CAMKMT: variants seen among roughly 807,000 people sequenced by gnomAD.
CAMKMT encodes the protein calmodulin-lysine N-methyltransferase, also known as CaM KMT.
A neutral mutation model predicts 48.0 loss-of-function variants in CAMKMT; 53 were observed. The observed-to-expected ratio is 1.10, with a 90% CI of 0.89 to 1.39. CAMKMT has a LOEUF of 1.39. Among genes scored for constraint, CAMKMT ranks in the 40% most tolerant of loss-of-function variants. The pLI, the probability that CAMKMT is intolerant of heterozygous loss-of-function variation, is 0.00. For synonymous variants in CAMKMT, 165 were observed against 152.3 expected, an observed-to-expected ratio of 1.08 and a Z score of -0.61; for missense variants, 428 against 402.7, an observed-to-expected ratio of 1.06 and a Z score of -0.54.
At chr2:44,663,457 C>G (rs1358008252) in intron 3 of CAMKMT, among the ~76,000 whole-genome samples, 1 of 152,248 alleles carries the variant, frequency 6.6e-6, no homozygotes, top group Non-Finnish European at 1.5e-5. Context: ...GCTTCCCCTT[C>G]TGTGAAATCT....
chr2:44,505,523 T>G (rs970059634), intron 3 of CAMKMT, among the ~76,000 whole-genome samples: 22 of 152,236 alleles, frequency 1.4e-4, no homozygotes, highest in African/African-American at 5.3e-4. Context: ...TCTTATGTTT[T>G]ACATTAAGTC....
intron 2 of CAMKMT, among the ~76,000 whole-genome samples, chr2:44,384,221 A>G (rs1341520331): frequency 6.6e-6 from 1 of 152,114 alleles, no homozygotes; most frequent in Non-Finnish European, 1.5e-5. Flanking sequence ...TTCCCTGATC[A>G]CTAGTGATGT....
At chr2:44,587,854 T>C (rs1156271228) in intron 3 of CAMKMT, among the ~76,000 whole-genome samples, 5 of 129,028 alleles carry the variant, frequency 3.9e-5, no homozygotes, top group South Asian at 5.4e-4. Flanking sequence ...GCCGCCTGCC[T>C]TGGCCCCCCA....
At chr2:44,514,696 T>TG (rs1215189614) in intron 3 of CAMKMT, among the ~76,000 whole-genome samples, 1 of 152,226 alleles carries the variant, frequency 6.6e-6, no homozygotes, top group Non-Finnish European at 1.5e-5. Flanking sequence ...GACTAGGGCC[T>TG]GACACATGGC....
intron 8 of CAMKMT, among the ~76,000 whole-genome samples, chr2:44,747,357 T>C (rs991149779): frequency 6.6e-6 from 1 of 152,206 alleles, no homozygotes; most frequent in Non-Finnish European, 1.5e-5. Flanking sequence ...GCTGTGATCA[T>C]GGACAGCTCC....
chr2:44,645,077 G>T (rs997592311), intron 3 of CAMKMT, among the ~76,000 whole-genome samples: 1 of 152,152 alleles, frequency 6.6e-6, no homozygotes, highest in Non-Finnish European at 1.5e-5. Context: ...GCATCACATT[G>T]TTCTAGTAGG....
At chr2:44,711,495 T>A (rs900772764) in intron 6 of CAMKMT, among the ~76,000 whole-genome samples, 1 of 152,210 alleles carries the variant, frequency 6.6e-6, no homozygotes, top group Non-Finnish European at 1.5e-5. Flanking sequence ...CTTCTCCTTT[T>A]TGTGGAGAAT....
chr2:44,700,281 C>G (rs1677189559), intron 3 of CAMKMT, among the ~76,000 whole-genome samples: 1 of 152,196 alleles, frequency 6.6e-6, no homozygotes, highest in South Asian at 2.1e-4. Flanking sequence ...TTCTCCATAT[C>G]AGCAATAAGG....
At chr2:44,662,989 A>G (rs542722609) in intron 3 of CAMKMT, among the ~76,000 whole-genome samples, 2 of 152,346 alleles carry the variant, frequency 1.3e-5, no homozygotes, top group East Asian at 3.9e-4. Context: ...ACACATATAA[A>G]TAATTACATA....
chr2:44,756,041 C>A (rs932252633), intron 9 of CAMKMT, among the ~76,000 whole-genome samples: 31 of 152,212 alleles, frequency 2.0e-4, no homozygotes, highest in African/African-American at 5.5e-4. Flanking sequence ...GGGGAAATCC[C>A]AGTTGTGGAT....
In CAMKMT at chr2:44,644,334, C is replaced by T. The variant is rs140893409; in HGVS notation, c.377-59949C>T. On this transcript the variant is annotated intron_variant, in intron 3 of 10. Coordinates refer to ENST00000378494, the MANE Select transcript of CAMKMT (RefSeq NM_024766.5). ...GCCATGCTTGGAAATGAAAATGGAC[C>T]CTTCAAGAAGTAAGTCTATAAGTTG... Among the ~76,000 whole-genome samples, 348 of 152,162 alleles carry T rather than the reference C, an allele frequency of 2.3e-3. 3 individuals are homozygous for T. The highest frequency in any genetic ancestry group is 3.6e-3 in the Non-Finnish European group (248 of 67,998).
At chr2:44,674,283 T>C (rs1371680119) in intron 3 of CAMKMT, among the ~76,000 whole-genome samples, 1 of 152,240 alleles carries the variant, frequency 6.6e-6, no homozygotes, top group African/African-American at 2.4e-5. Context: ...TATACTTGGT[T>C]ATTTGCATTT....
intron 3 of CAMKMT, among the ~76,000 whole-genome samples, chr2:44,674,629 G>T (rs958287514): frequency 6.6e-6 from 1 of 152,106 alleles, no homozygotes; most frequent in Non-Finnish European, 1.5e-5. Flanking sequence ...CCAGAATAAC[G>T]GAAGTGGTTA....
At chr2:44,446,167 C>G (rs967130126) in intron 3 of CAMKMT, among the ~76,000 whole-genome samples, 4 of 151,424 alleles carry the variant, frequency 2.6e-5, no homozygotes, top group African/African-American at 9.7e-5. Context: ...AGGCTGGTCT[C>G]GAATTCTTGA....
chr2:44,461,016 G>A (rs1025525101), intron 3 of CAMKMT, among the ~76,000 whole-genome samples: 3 of 152,112 alleles, frequency 2.0e-5, no homozygotes, highest in Non-Finnish European at 2.9e-5. Flanking sequence ...GAGCCACCAT[G>A]CCTGCCCTGA....
chr2:44,718,022 C>T (rs928407562), intron 7 of CAMKMT, among the ~76,000 whole-genome samples: 1 of 152,028 alleles, frequency 6.6e-6, no homozygotes, highest in Admixed American at 6.6e-5. Context: ...TGAGGGCCCA[C>T]TTAGGAAGAA....
At chr2:44,604,340 A>G (rs1223625844) in intron 3 of CAMKMT, among the ~76,000 whole-genome samples, 2 of 152,190 alleles carry the variant, frequency 1.3e-5, no homozygotes, top group African/African-American at 2.4e-5. Flanking sequence ...AAGATTGCCA[A>G]AGTGCTTGTT....
chr2:44,460,581 G>A (rs1667795025), intron 3 of CAMKMT, among the ~76,000 whole-genome samples: 2 of 152,068 alleles, frequency 1.3e-5, no homozygotes, highest in African/African-American at 4.8e-5. Context: ...CATTTGTTGA[G>A]CACCCATTTA....
chr2:44,650,003 A>G (rs1441464358), intron 3 of CAMKMT, among the ~76,000 whole-genome samples: 1 of 152,216 alleles, frequency 6.6e-6, no homozygotes, highest in Non-Finnish European at 1.5e-5. Context: ...CAACTTCTCC[A>G]TAATTCCTAT....
Sources: gnomAD v4.1 joint callset for allele counts (sites outside exome capture counted in the v4.1 genomes callset) on GRCh38, gnomAD v4.1.1 for gene constraint, MANE v1.5 for transcripts, NCBI Gene and HGNC (gene_info 2026-07-23, HGNC 2026-07-21) for gene names.